SUPT3H: variants seen among roughly 807,000 people sequenced by gnomAD.
The protein encoded by SUPT3H is transcription initiation protein SPT3 homolog.
A neutral mutation model predicts 44.3 loss-of-function variants in SUPT3H; 44 were observed. That is an observed-to-expected ratio of 0.99 (90% CI 0.78 to 1.28). The LOEUF (loss-of-function observed/expected upper bound fraction) is 1.28, where lower values mean the gene tolerates loss of function less well. Among genes scored for constraint, SUPT3H ranks in the 50% most tolerant of loss-of-function variants. The pLI is 0.00. For missense variants in SUPT3H, 380 were observed against 387.1 expected (o/e 0.98, Z 0.15); for synonymous variants, 124 against 125.6 (o/e 0.99, Z 0.09).
At chr6:45,137,322 A>T (rs1001515527) in intron 2 of SUPT3H, among the ~76,000 whole-genome samples, 10 of 152,070 alleles carry the variant, frequency 6.6e-5, no homozygotes, top group Admixed American at 6.6e-4. Context: ...CAAAAAGAAA[A>T]AAAGAAGAAC....
At chr6:45,188,254 A>G (rs569561569) in intron 2 of SUPT3H, among the ~76,000 whole-genome samples, 1 of 152,376 alleles carries the variant, frequency 6.6e-6, no homozygotes, top group East Asian at 1.9e-4. Flanking sequence ...GAAAGGTAAG[A>G]CTTCTTGATT....
rs529605766 is a variant in SUPT3H at position 45,101,373 on chromosome 6, C to T, written c.186+4549G>A. On this transcript the variant is annotated intron_variant, in intron 3 of 10. Transcript: ENST00000371459. ...CCGGGAGGCGGAGGTTGCGGTGAGCCGAGATCGTGCCATTGCACTCCAGCC... is the reference window on the plus strand; with the variant it reads ...CCGGGAGGCGGAGGTTGCGGTGAGCTGAGATCGTGCCATTGCACTCCAGCC... 2.7e-4 allele frequency among the ~76,000 whole-genome samples: 41 copies of T among 152,236 alleles called. No individual in the cohort carries two copies. The South Asian group carries it at 7.9e-3, about 29-fold the overall frequency.
At chr6:45,323,702 C>A (rs1785895605) in intron 2 of SUPT3H, among the ~76,000 whole-genome samples, 2 of 151,938 alleles carry the variant, frequency 1.3e-5, no homozygotes, top group Non-Finnish European at 2.9e-5. Context: ...CTATTTAATA[C>A]TAAAAGAGTT....
chr6:45,110,463 G>T (rs547572025), intron 2 of SUPT3H, among the ~76,000 whole-genome samples: 2 of 152,012 alleles, frequency 1.3e-5, no homozygotes, highest in East Asian at 1.9e-4. Flanking sequence ...AATTAGGGGA[G>T]ATCCTTCAAA....
chr6:45,159,999 A>C (rs1808672959), intron 2 of SUPT3H, among the ~76,000 whole-genome samples: 1 of 152,212 alleles, frequency 6.6e-6, no homozygotes, highest in South Asian at 2.1e-4. Context: ...TCAAATAATT[A>C]ATTTATGGTA....
At chr6:44,993,700 G>A (rs1444483977) in intron 6 of SUPT3H, among the ~76,000 whole-genome samples, 4 of 152,020 alleles carry the variant, frequency 2.6e-5, no homozygotes, top group Non-Finnish European at 5.9e-5. Context: ...ATCCTGCACT[G>A]TGCAGCTAGA....
chr6:45,044,701 T>G lies in SUPT3H; in HGVS notation c.187-24069A>C, dbSNP rs1411149. 3.9e-3 allele frequency among the ~76,000 whole-genome samples: 595 copies of G among 152,226 alleles called. 7 individuals are homozygous for G. Among genetic ancestry groups the G allele is most frequent in the African/African-American group, 0.014 (567 of 41,546 alleles). On this transcript the variant is annotated intron_variant, in intron 3 of 10. Coordinates refer to ENST00000371459, the MANE Select transcript of SUPT3H (RefSeq NM_003599.4). ...GTCTCATGGTTACTGGGTGATGGAA[T>G]CAGAAATAAATCCAGGCCTGCTGGG...
intron 2 of SUPT3H, among the ~76,000 whole-genome samples, chr6:45,122,215 T>C (rs1801783488): frequency 6.6e-6 from 1 of 152,062 alleles, no homozygotes; most frequent in South Asian, 2.1e-4. Context: ...GGGGTTGGGG[T>C]TGGGAGCAAG....
chr6:45,078,575 G>T (rs1319112901), intron 3 of SUPT3H, among the ~76,000 whole-genome samples: 1 of 152,122 alleles, frequency 6.6e-6, no homozygotes, highest in East Asian at 1.9e-4. Flanking sequence ...ATTCCTTTAA[G>T]AATTTCTTGT....
intron 2 of SUPT3H, among the ~76,000 whole-genome samples, chr6:45,256,766 C>A (rs866921469): frequency 9.8e-5 from 15 of 152,316 alleles, no homozygotes; most frequent in African/African-American, 2.2e-4. Flanking sequence ...TATGTCAGTA[C>A]TTCCGTCCTT....
chr6:45,276,260 T>G (rs531289297), intron 2 of SUPT3H, among the ~76,000 whole-genome samples: 1 of 152,090 alleles, frequency 6.6e-6, no homozygotes, highest in East Asian at 1.9e-4. Context: ...CACAACTAAA[T>G]GGAGTTTATA....
At chr6:45,193,528 T>C (rs1227981548) in intron 2 of SUPT3H, among the ~76,000 whole-genome samples, 1 of 152,058 alleles carries the variant, frequency 6.6e-6, no homozygotes, top group Non-Finnish European at 1.5e-5. Context: ...TACTCCTTCA[T>C]TGAACAAAGT....
rs1562914804 is a variant in SUPT3H at position 45,302,558 on chromosome 6, C to CATATATATATAT, written c.101+62642_101+62643insATATATATATAT. The stretch of plus-strand genomic sequence containing the variant: ...ATATATATATATATATATATATATG[C>CATATATATATAT]ATGCCACAATTTATTTATCTACTTA... On this transcript the variant is annotated intron_variant, in intron 2 of 10. Transcript: ENST00000371459. Among the ~76,000 whole-genome samples, 52 of 73,738 alleles carry CATATATATATAT rather than the reference C, an allele frequency of 7.1e-4. 1 individual carries two copies. The highest frequency in any genetic ancestry group is 1.8e-3 in the South Asian group (4 of 2,174). 48.4% of individuals were successfully genotyped at this position (73,738 alleles called of 152,430 possible).
At position 45,039,738 on chromosome 6, in the gene SUPT3H, T is replaced by C. The variant is rs144282477; in HGVS notation, c.187-19106A>G. 4.9e-3 allele frequency among the ~76,000 whole-genome samples: 744 copies of C among 151,940 alleles called. 7 individuals carry two copies. The highest frequency in any genetic ancestry group is 0.017 in the African/African-American group (716 of 41,422). On this transcript the variant is annotated intron_variant, in intron 3 of 10. Transcript: ENST00000371459. ...GAGGTTCCACTGCAGTGAGCCGAGA[T>C]TGCACCACTGCACTCCAGCCTAGGC...
At chr6:45,187,459 C>CAGG (rs1163466201) in intron 2 of SUPT3H, among the ~76,000 whole-genome samples, 4 of 151,010 alleles carry the variant, frequency 2.6e-5, no homozygotes, top group African/African-American at 9.7e-5. Flanking sequence ...CCTCTTTCTT[C>CAGG]AGGTTCCTTT....
intron 6 of SUPT3H, among the ~76,000 whole-genome samples, chr6:44,964,666 T>C (rs78442338): frequency 3.9e-5 from 6 of 152,150 alleles, no homozygotes; most frequent in East Asian, 3.9e-4. Context: ...ATCCTAGTTC[T>C]TTTTTAATTC....
At chr6:45,161,043 C>T (rs1043716047) in intron 2 of SUPT3H, among the ~76,000 whole-genome samples, 1 of 151,928 alleles carries the variant, frequency 6.6e-6, no homozygotes, top group Non-Finnish European at 1.5e-5. Context: ...TAAGTGTGTT[C>T]CCCCAACACT....
rs57953368 is a variant in SUPT3H at position 45,050,504 on chromosome 6, G to A, written c.187-29872C>T. Among the ~76,000 whole-genome samples the A allele has an allele frequency of 3.9e-3, 598 of 151,914 alleles. 7 individuals are homozygous for A. The highest frequency in any genetic ancestry group is 0.014 in the African/African-American group (568 of 41,450). ...ATTTAGGAAATTTTCATGGGGGCGG[G>A]CAGGGAAAGAGAGGGAGGCACAATA... On this transcript the variant is annotated intron_variant, in intron 3 of 10. Coordinates refer to ENST00000371459, the MANE Select transcript of SUPT3H (RefSeq NM_003599.4).
chr6:45,290,487 A>T, intron 2 of SUPT3H, among the ~76,000 whole-genome samples: 1 of 148,768 alleles, frequency 6.7e-6, no homozygotes. Flanking sequence ...GAGGGTAGGG[A>T]GTGGAATGGA....
Sources: gnomAD v4.1 joint callset for allele counts (sites outside exome capture counted in the v4.1 genomes callset) on GRCh38, gnomAD v4.1.1 for gene constraint, MANE v1.5 for transcripts, NCBI Gene and HGNC (gene_info 2026-07-23, HGNC 2026-07-21) for gene names.